Variants in COX7A2 observed in about 807,000 individuals in gnomAD.
COX7A2 encodes cytochrome c oxidase subunit 7A2, mitochondrial.
In COX7A2, 11 loss-of-function variants were observed where a neutral mutation model predicts 11.6. That is an observed-to-expected ratio of 0.95 (90% CI 0.60 to 1.57). The LOEUF is 1.57. COX7A2 is among the 40% of genes most tolerant of loss of function. COX7A2 has a pLI of 0.00. For synonymous variants in COX7A2, 30 were observed against 38.2 expected (o/e 0.78, Z 0.79); for missense variants, 106 against 100.9 (o/e 1.05, Z -0.22).
chr6:75,243,938 G>C (rs1771616319), upstream of COX7A2: 2 of 947,268 alleles, frequency 2.1e-6, no homozygotes, highest in East Asian at 5.4e-5. Context: ...TAGCCGGCTC[G>C]CCGTCTCAGT....
upstream of COX7A2, among the ~76,000 whole-genome samples, chr6:75,248,658 T>C (rs973613924): frequency 2.0e-5 from 3 of 152,244 alleles, no homozygotes; most frequent in African/African-American, 7.2e-5. Context: ...GTGTCACTCA[T>C]ATTTGGCTCA....
intron 1 of COX7A2, among the ~76,000 whole-genome samples, chr6:75,249,709 C>G (rs1426574810): frequency 6.6e-6 from 1 of 152,128 alleles, no homozygotes; most frequent in African/African-American, 2.4e-5. Flanking sequence ...ATTTGCAGAA[C>G]AAATGAAGAA....
In COX7A2 at chr6:75,237,908, G is replaced by C. The variant is rs1418382363; in HGVS notation, c.*22C>G. 3 of 1,600,704 alleles carry C rather than the reference G, an allele frequency of 1.9e-6. No individual in the cohort carries two copies. Among genetic ancestry groups the C allele is most frequent in the Non-Finnish European group, 2.6e-6 (3 of 1,169,686 alleles). ...AGAGAGCTGAATGAAACTGAACCAA[G>C]CGATTGCTGGGATGACTGAAGTCAC... On this transcript the variant is annotated 3_prime_UTR_variant, in exon 4 of 4. Transcript: ENST00000684430.
chr6:75,249,844 T>C (rs1410293685), intron 1 of COX7A2, among the ~76,000 whole-genome samples: 1 of 152,212 alleles, frequency 6.6e-6, no homozygotes, highest in African/African-American at 2.4e-5. Flanking sequence ...AATAAAAGGC[T>C]GGATTGGGCA....
chr6:75,242,457 G>T (rs1241151642), intron 1 of COX7A2, among the ~76,000 whole-genome samples: 1 of 152,026 alleles, frequency 6.6e-6, no homozygotes, highest in Non-Finnish European at 1.5e-5. Flanking sequence ...AGTGAGCCGA[G>T]ATTGCACCAC....
chr6:75,238,319 A>G (rs1187566170), intron 3 of COX7A2, among the ~76,000 whole-genome samples: 2 of 151,848 alleles, frequency 1.3e-5, no homozygotes, highest in Non-Finnish European at 2.9e-5. Context: ...AATGCCAAAG[A>G]AAAAAAGAGT....
chr6:75,243,729 C>T lies in COX7A2; in HGVS notation c.6G>A (p.Leu2=). 1.2e-6 allele frequency: 2 copies of T among 1,613,852 alleles called. 1 individual carries two copies. Among genetic ancestry groups the T allele is most frequent in the South Asian group, 2.2e-5 (2 of 91,070 alleles). M[L]RNLLALRQIG... ...AGAAGCTCCTCACCAGCAGATTCCG[C>T]AGCATCTTGGCTGTTACTGACCAGC... The change falls in exon 1 of 4, where the codon CTG becomes CTA. Residue 2 remains leucine (L), a synonymous_variant. Coordinates refer to ENST00000684430, the MANE Select transcript of COX7A2 (RefSeq NM_001366293.2).
intron 3 of COX7A2, among the ~76,000 whole-genome samples, chr6:75,238,253 A>G (rs1771376158): frequency 6.6e-6 from 1 of 152,112 alleles, no homozygotes; most frequent in South Asian, 2.1e-4. Flanking sequence ...AAGAACGTAT[A>G]CAAAGGTTAT....
intron 1 of COX7A2, among the ~76,000 whole-genome samples, chr6:75,242,480 T>C (rs1481138074): frequency 6.6e-6 from 1 of 151,728 alleles, no homozygotes. Context: ...CACTCCAGCC[T>C]GGGCGACAAG....
intron 1 of COX7A2, among the ~76,000 whole-genome samples, chr6:75,249,610 A>G (rs1771749588): frequency 1.3e-5 from 2 of 152,262 alleles, no homozygotes; most frequent in South Asian, 4.1e-4. Flanking sequence ...AAGGTTGGGT[A>G]AGAAGAAAAA....
chr6:75,243,865 C>A, upstream of COX7A2: 2 of 1,591,384 alleles, frequency 1.3e-6, no homozygotes, highest in African/African-American at 1.3e-5. Context: ...CGAAGAGAGG[C>A]TTGCGCTCCT....
At chr6:75,248,049 G>A (rs908540131), upstream of COX7A2, among the ~76,000 whole-genome samples, 9 of 151,146 alleles carry the variant, frequency 6.0e-5, no homozygotes, top group Non-Finnish European at 8.8e-5. Flanking sequence ...AGTTTCCTCC[G>A]CACAATAAAA....
intron 2 of COX7A2, chr6:75,240,793 T>G (rs1217622316): frequency 5.2e-6 from 1 of 192,686 alleles, no homozygotes; most frequent in African/African-American, 2.3e-5. Flanking sequence ...GGATTTTGGT[T>G]TATAACCCTA....
chr6:75,238,521 A>G (rs79648267), intron 3 of COX7A2, among the ~76,000 whole-genome samples: 1 of 151,878 alleles, frequency 6.6e-6, no homozygotes, highest in Admixed American at 6.6e-5. Context: ...CAGCCTCAAC[A>G]TGGAGAAACC....
upstream of COX7A2, among the ~76,000 whole-genome samples, chr6:75,246,772 A>G (rs1554193799): frequency 6.6e-6 from 1 of 152,200 alleles, no homozygotes; most frequent in Non-Finnish European, 1.5e-5. Flanking sequence ...CTCATTCATT[A>G]TCTTCTTGCT....
intron 1 of COX7A2, among the ~76,000 whole-genome samples, chr6:75,242,194 C>G (rs1446889768): frequency 6.6e-6 from 1 of 151,330 alleles, no homozygotes; most frequent in Non-Finnish European, 1.5e-5. Context: ...GAGTGAAACT[C>G]CATCTCAAAA....
rs1771454932 is a variant in COX7A2, at chr6:75,240,310, T to C, written c.184A>G (p.Thr62Ala). 3 of 1,608,554 alleles carry C rather than the reference T, an allele frequency of 1.9e-6. No individual in the cohort carries two copies. The highest frequency in any genetic ancestry group is 1.7e-6 in the Non-Finnish European group (2 of 1,177,922). The change falls in exon 3 of 4, where the codon ACA (threonine) becomes GCA (alanine). Residue 62 changes from threonine to alanine, a missense_variant. Thr to Ala is a moderately conservative substitution (Grantham distance 58). Transcript: ENST00000684430. ...ALLYRATMIL[T>A]VGGTAYAIYE... ...ATTCCAAAGGCCTTACCACCAACTG[T>C]AAGAATCATGGTGGCTCTATACAGG...
At position 75,241,236 on chromosome 6, in the gene COX7A2, T is replaced by C. The variant is rs1240161327; in HGVS notation, c.48A>G (p.Ile16Met). ...TAAAATGCCTGCGGGAAGCAGTGCTTATCGTCCTCTGCCCAATCTGACGAA... is the reference window on the plus strand; with the variant it reads ...TAAAATGCCTGCGGGAAGCAGTGCTCATCGTCCTCTGCCCAATCTGACGAA... ...LALRQIGQRT[I>M]STASRRHFKN... Residue 16 changes from isoleucine (I) to methionine (M), a missense_variant, in exon 2 of 4, where the codon ATA becomes ATG. Ile to Met is a conservative substitution (Grantham distance 10). Transcript: ENST00000684430. 3.7e-5 allele frequency: 58 copies of C among 1,580,750 alleles called. No homozygotes were observed. The highest frequency in any genetic ancestry group is 4.8e-5 in the Non-Finnish European group (55 of 1,155,892).
chr6:75,244,004 A>G (rs1245372509), upstream of COX7A2: 1 of 566,644 alleles, frequency 1.8e-6, no homozygotes, highest in Non-Finnish European at 3.1e-6. Flanking sequence ...CCTGGAGCTA[A>G]GGCTGGGGAA....
Sources: gnomAD v4.1 joint callset for allele counts (sites outside exome capture counted in the v4.1 genomes callset) on GRCh38, gnomAD v4.1.1 for gene constraint, MANE v1.5 for transcripts, NCBI Gene and HGNC (gene_info 2026-07-23, HGNC 2026-07-21) for gene names.